Variants in CPLX2 observed in about 807,000 individuals in gnomAD.
CPLX2 encodes the protein complexin-2.
CPLX2 carries 5 observed loss-of-function variants against 16.3 expected under a neutral mutation model. The ratio of observed to expected loss-of-function variants is 0.31; its 90% confidence interval spans 0.16 to 0.64. The LOEUF (loss-of-function observed/expected upper bound fraction) is 0.64, where lower values mean the gene tolerates loss of function less well. Among genes scored for constraint, CPLX2 ranks in the 30% least tolerant of loss-of-function variants. The probability of loss-of-function intolerance (pLI) is 0.79; values close to 1 mark genes in which losing one functional copy is unlikely to be tolerated. For synonymous variants in CPLX2, 89 were observed against 73.2 expected, an observed-to-expected ratio of 1.22 and a Z score of -1.10; for missense variants, 144 against 181.4, an observed-to-expected ratio of 0.79 and a Z score of 1.18.
At position 175,879,004 on chromosome 5, in the gene CPLX2, A is replaced by G; in HGVS notation, c.128A>G (p.Gln43Arg). ...GAGGAGCGGCAGGAGGCGCTGCGGC[A>G]GCAGGAGGAGGAGCGTAAGGCCAAG... is the stretch of plus-strand genomic sequence containing the variant. ...KEEERQEALR[Q>R]QEEERKAKHA... is the part of the protein sequence containing the mutation. The change falls in exon 3 of 4, where the codon CAG (glutamine) becomes CGG (arginine). Residue 43 changes from glutamine to arginine, a missense_variant. Physicochemically the swap from Gln to Arg is conservative, Grantham distance 43. Coordinates refer to ENST00000393745, the MANE Select transcript of CPLX2 (RefSeq NM_001008220.2). 2 of 1,597,370 alleles carry G rather than the reference A, an allele frequency of 1.3e-6. No homozygotes were observed. The highest frequency in any genetic ancestry group is 1.7e-6 in the Non-Finnish European group (2 of 1,172,360).
At chr5:175,854,833 G>GA (rs947245791) in intron 2 of CPLX2, among the ~76,000 whole-genome samples, 1 of 152,072 alleles carries the variant, frequency 6.6e-6, no homozygotes. Flanking sequence ...CAGTGGGAGC[G>GA]AAAAAATTAC....
chr5:175,832,430 T>A (rs1455123819), intron 2 of CPLX2, among the ~76,000 whole-genome samples: 1 of 152,152 alleles, frequency 6.6e-6, no homozygotes, highest in Non-Finnish European at 1.5e-5. Flanking sequence ...GTGTGATGAG[T>A]GTGGGTTCTT....
At chr5:175,860,883 T>C (rs1226876809) in intron 2 of CPLX2, among the ~76,000 whole-genome samples, 1 of 151,802 alleles carries the variant, frequency 6.6e-6, no homozygotes, top group Non-Finnish European at 1.5e-5. Flanking sequence ...AGGTCAAAAA[T>C]GTATTATGAC....
chr5:175,866,118 GGACA>G (rs906386375), intron 2 of CPLX2, among the ~76,000 whole-genome samples: 2 of 152,194 alleles, frequency 1.3e-5, no homozygotes, highest in African/African-American at 4.8e-5. Context: ...TCCTGAGGGT[GGACA>G]GACACTCAGG....
intron 2 of CPLX2, among the ~76,000 whole-genome samples, chr5:175,857,739 G>GT (rs1759287290): frequency 6.6e-6 from 1 of 152,194 alleles, no homozygotes. Flanking sequence ...TGGAACCATT[G>GT]TAAGTTGGGA....
chr5:175,838,536 G>A (rs1031850341), intron 2 of CPLX2, among the ~76,000 whole-genome samples: 26 of 151,406 alleles, frequency 1.7e-4, no homozygotes, highest in Non-Finnish European at 2.2e-4. Context: ...CCAAAAGTGC[G>A]CGTGAGCCAC....
At chr5:175,879,753 C>G in intron 3 of CPLX2, 95 bp from the exon 4 acceptor site, 3 of 1,225,982 alleles carry the variant, frequency 2.4e-6, no homozygotes, top group South Asian at 1.3e-5. Context: ...GGGAGGCACT[C>G]CTGGCCACCT....
intron 2 of CPLX2, among the ~76,000 whole-genome samples, chr5:175,832,725 A>G (rs900366228): frequency 6.6e-6 from 1 of 152,214 alleles, no homozygotes; most frequent in South Asian, 2.1e-4. Context: ...CTGGGCCCCT[A>G]TGTGCCTTCC....
chr5:175,833,063 G>A (rs984057748), intron 2 of CPLX2, among the ~76,000 whole-genome samples: 1 of 151,442 alleles, frequency 6.6e-6, no homozygotes, highest in Non-Finnish European at 1.5e-5. Flanking sequence ...GGCTGAGGCA[G>A]GAGAATCACT....
At chr5:175,839,270 T>TG (rs1464245923) in intron 2 of CPLX2, among the ~76,000 whole-genome samples, 3 of 149,310 alleles carry the variant, frequency 2.0e-5, no homozygotes, top group African/African-American at 7.5e-5. Flanking sequence ...AATTTTTGTT[T>TG]TTTTGTTTTG....
chr5:175,839,751 C>T (rs932606983), intron 2 of CPLX2, among the ~76,000 whole-genome samples: 10 of 152,226 alleles, frequency 6.6e-5, no homozygotes, highest in Non-Finnish European at 1.0e-4. Context: ...GGCAAGTACA[C>T]TATTAAATGA....
At chr5:175,819,813 G>C (rs1311918772) in intron 2 of CPLX2, among the ~76,000 whole-genome samples, 1 of 152,240 alleles carries the variant, frequency 6.6e-6, no homozygotes, top group Non-Finnish European at 1.5e-5. Flanking sequence ...TGAAGGGCCT[G>C]CCCAAGGTCT....
chr5:175,812,575 C>T (rs2113634956), intron 2 of CPLX2, among the ~76,000 whole-genome samples: 1 of 152,202 alleles, frequency 6.6e-6, no homozygotes, highest in Non-Finnish European at 1.5e-5. Flanking sequence ...TGGCCAAGGT[C>T]CAAGGTAGAG....
intron 1 of CPLX2, among the ~76,000 whole-genome samples, chr5:175,806,182 GA>G (rs1758195428): frequency 7.6e-6 from 1 of 130,918 alleles, no homozygotes; most frequent in African/African-American, 2.9e-5. Flanking sequence ...AACTGGCTCT[GA>G]CAACCCGCCA....
At chr5:175,850,145 T>A (rs1156588833) in intron 2 of CPLX2, among the ~76,000 whole-genome samples, 4 of 69,316 alleles carry the variant, frequency 5.8e-5, no homozygotes, top group African/African-American at 1.5e-4. Flanking sequence ...CAAGTGACAG[T>A]TTTTTTGTTT....
chr5:175,805,878 C>A (rs1407001228), intron 1 of CPLX2, among the ~76,000 whole-genome samples: 1 of 152,176 alleles, frequency 6.6e-6, no homozygotes, highest in Non-Finnish European at 1.5e-5. Context: ...CATGTCACCG[C>A]TACACACACA....
At chr5:175,852,766 G>A (rs1444567600) in intron 2 of CPLX2, among the ~76,000 whole-genome samples, 2 of 152,354 alleles carry the variant, frequency 1.3e-5, no homozygotes, top group East Asian at 3.9e-4. Flanking sequence ...AGCTAGGTGG[G>A]ATGGGAAGTA....
chr5:175,856,950 A>G (rs1759269649), intron 2 of CPLX2, among the ~76,000 whole-genome samples: 1 of 152,160 alleles, frequency 6.6e-6, no homozygotes, highest in Non-Finnish European at 1.5e-5. Context: ...AAAAATGGCA[A>G]TTCGCTAAGG....
chr5:175,797,746 G>C (rs1333207522), intron 1 of CPLX2, among the ~76,000 whole-genome samples: 2 of 152,152 alleles, frequency 1.3e-5, no homozygotes, highest in Non-Finnish European at 2.9e-5. Flanking sequence ...AATCCCAGAC[G>C]GCAGAGAAGG....
Sources: gnomAD v4.1 joint callset for allele counts (sites outside exome capture counted in the v4.1 genomes callset) on GRCh38, gnomAD v4.1.1 for gene constraint, MANE v1.5 for transcripts, NCBI Gene and HGNC (gene_info 2026-07-23, HGNC 2026-07-21) for gene names.